Variants in CYP11A1 observed in about 807,000 individuals in gnomAD.
CYP11A1 encodes the protein cytochrome P450 family 11 subfamily A member 1.
A neutral mutation model predicts 51.9 loss-of-function variants in CYP11A1; 25 were observed. That is an observed-to-expected ratio of 0.48 (90% CI 0.35 to 0.67). The LOEUF (loss-of-function observed/expected upper bound fraction) is 0.67. Ranked by LOEUF, CYP11A1 falls within the 30% of genes least tolerant of loss-of-function variation. The probability of loss-of-function intolerance (pLI) is 0.00; values close to 1 mark genes in which losing one functional copy is unlikely to be tolerated. For missense variants in CYP11A1, 578 were observed against 680.9 expected (o/e 0.85, Z 1.68); for synonymous variants, 245 against 262.1 (o/e 0.93, Z 0.63).
intron 2 of CYP11A1, among the ~76,000 whole-genome samples, chr15:74,346,370 A>AG (rs1555425864): frequency 1.2e-4 from 16 of 135,658 alleles, no homozygotes; most frequent in South Asian, 6.8e-4. Context: ...AAAAAAAAAA[A>AG]AAAGAAAGAA....
intron 2 of CYP11A1, among the ~76,000 whole-genome samples, chr15:74,346,948 G>A (rs1458317009): frequency 6.6e-6 from 1 of 152,028 alleles, no homozygotes; most frequent in Non-Finnish European, 1.5e-5. Flanking sequence ...ACACAGGCAT[G>A]TGCCACCACA....
chr15:74,357,785 C>T (rs921213368), intron 1 of CYP11A1, among the ~76,000 whole-genome samples: 7 of 152,206 alleles, frequency 4.6e-5, no homozygotes, highest in Non-Finnish European at 1.0e-4. Flanking sequence ...TGTCTGTGTA[C>T]GGCAGCTGTC....
At chr15:74,339,342 G>A (rs746607026) in intron 6 of CYP11A1, 27 bp from the exon 7 acceptor site, 1 of 1,606,552 alleles carries the variant, frequency 6.2e-7, no homozygotes, top group South Asian at 1.1e-5. Flanking sequence ...CTCAGAAGCT[G>A]ATGGCCCCAA....
intron 7 of CYP11A1, 66 bp from the exon 8 acceptor site, chr15:74,338,834 C>A: frequency 6.9e-7 from 1 of 1,439,718 alleles, no homozygotes; most frequent in South Asian, 1.2e-5. Context: ...ACAAAACCCC[C>A]TTCCCTAGTC....
intron 1 of CYP11A1, among the ~76,000 whole-genome samples, chr15:74,357,734 T>C (rs944421010): frequency 2.6e-5 from 4 of 152,222 alleles, no homozygotes; most frequent in African/African-American, 9.6e-5. Context: ...GCAGCCTTTC[T>C]ATCCAAACAA....
chr15:74,338,202 TGA>T (rs2060588269), intron 8 of CYP11A1, 99 bp from the exon 9 acceptor site: 2 of 1,460,776 alleles, frequency 1.4e-6, no homozygotes, highest in African/African-American at 2.8e-5. Flanking sequence ...GAGTGTGATT[TGA>T]GGAGTTCCAA....
chr15:74,338,532 G>A, intron 8 of CYP11A1, 39 bp downstream of exon 8: 3 of 1,605,272 alleles, frequency 1.9e-6, no homozygotes, highest in Non-Finnish European at 2.6e-6. Context: ...TAGGGCCAGG[G>A]CCAGCCCAGG....
rs947952360 is a variant in CYP11A1, at chr15:74,367,490, C to A, written c.96G>T (p.Val32=). ...AGATGCCAGCTCCCTCGCCAGTGGG[C>A]ACCCTGAGACGCCCCAGCCCCTCCC... is the stretch of plus-strand genomic sequence containing the variant. The part of the protein sequence containing the change: ...APREGLGRLR[V]PTGEGAGIST... The change falls in exon 1 of 9, where the codon GTG becomes GTT. Residue 32 remains valine (V), a synonymous_variant. Transcript: ENST00000268053. 1 of 1,614,066 alleles carries A rather than the reference C, an allele frequency of 6.2e-7. No homozygotes were observed. The highest frequency in any genetic ancestry group is 1.3e-5 in the African/African-American group (1 of 74,932).
chr15:74,345,320 T>A lies in CYP11A1; in HGVS notation c.426-77A>T. 1.3e-6 allele frequency: 2 copies of A among 1,535,558 alleles called. No individual in the cohort carries two copies. Among genetic ancestry groups the A allele is most frequent in the Non-Finnish European group, 1.8e-6 (2 of 1,116,258 alleles). ...TGAACACAGAGGGGGCTGACTCAGT[T>A]TTCCCAGGAAGCTGAGTCACAGCTC... On this transcript the variant is annotated intron_variant, in intron 2 of 8. Coordinates refer to ENST00000268053, the MANE Select transcript of CYP11A1 (RefSeq NM_000781.3). This position sits in a 1 kb window ranked among gnomAD's most constrained non-coding sequence, Gnocchi z 4.3.
At position 74,339,687 on chromosome 15, in the gene CYP11A1, G is replaced by A. The variant is rs72547508; in HGVS notation, c.1057C>T (p.Arg353Trp). Reference sequence around the variant, plus strand: ...TGCCGCGCAGCCAAGACCTCTGCCCGCAGCATATCCTGCACCTTCAGGTTG... The same window carrying A: ...TGCCGCGCAGCCAAGACCTCTGCCCACAGCATATCCTGCACCTTCAGGTTG... ...ARNLKVQDML[R>W]AEVLAARHQA... Residue 353 changes from arginine (R) to tryptophan (W), a missense_variant, in exon 6 of 9, where the codon CGG becomes TGG. By Grantham distance (101) the Arg-to-Trp change is moderately radical. Coordinates refer to ENST00000268053, the MANE Select transcript of CYP11A1 (RefSeq NM_000781.3). 10 of 1,613,950 alleles carry A rather than the reference G, an allele frequency of 6.2e-6. No individual in the cohort carries two copies. The highest frequency in any genetic ancestry group is 2.2e-5 in the East Asian group (1 of 44,884).
rs1325719298 is a variant in CYP11A1, at chr15:74,343,817, C to T, written c.801G>A (p.Val267=). The part of the protein sequence containing the change: ...LFRTKTWKDH[V]AAWDVIFSKA... Reference sequence around the variant, plus strand: ...TACTGAAAATCACGTCCCATGCAGCCACATGGTCCTTCCAGGTCTTGGTCC... The same window carrying T: ...TACTGAAAATCACGTCCCATGCAGCTACATGGTCCTTCCAGGTCTTGGTCC... The change falls in exon 4 of 9, where the codon GTG becomes GTA. Residue 267 remains valine (V), a synonymous_variant. Transcript: ENST00000268053. 1.2e-6 allele frequency: 2 copies of T among 1,612,962 alleles called. No individual in the cohort carries two copies. Among genetic ancestry groups the T allele is most frequent in the African/African-American group, 2.7e-5 (2 of 74,892 alleles).
intron 7 of CYP11A1, 146 bp from the exon 8 acceptor site, chr15:74,338,914 C>G (rs1269717063): frequency 5.0e-6 from 4 of 794,890 alleles, no homozygotes; most frequent in Non-Finnish European, 8.4e-6. Flanking sequence ...GACATTCTGC[C>G]CACTGTGCAG....
chr15:74,358,836 A>G (rs556037175), intron 1 of CYP11A1, among the ~76,000 whole-genome samples: 1 of 152,318 alleles, frequency 6.6e-6, no homozygotes, highest in South Asian at 2.1e-4. Flanking sequence ...GGCTCTTGGT[A>G]TTCAGTGAAA....
intron 1 of CYP11A1, among the ~76,000 whole-genome samples, chr15:74,355,998 C>T (rs981491996): frequency 3.9e-5 from 6 of 152,206 alleles, no homozygotes; most frequent in East Asian, 1.9e-4. Flanking sequence ...CCTCAAACCT[C>T]GCAATGGGAA....
chr15:74,356,104 A>T (rs1310752362), intron 1 of CYP11A1, among the ~76,000 whole-genome samples: 2 of 152,236 alleles, frequency 1.3e-5, no homozygotes, highest in African/African-American at 4.8e-5. Flanking sequence ...CTGCTGTGAG[A>T]CAAAACCCAG....
At chr15:74,364,032 A>G (rs1237525158) in intron 1 of CYP11A1, 1 of 152,244 alleles carries the variant, frequency 6.6e-6, no homozygotes, top group Non-Finnish European at 1.5e-5. Context: ...TCACTACAAC[A>G]AACATTTCTG....
chr15:74,348,076 G>A, intron 1 of CYP11A1, 21 bp from the exon 2 acceptor site: 2 of 1,613,426 alleles, frequency 1.2e-6, no homozygotes, highest in Non-Finnish European at 1.7e-6. Context: ...GGGGGAGAGG[G>A]GCTGATGGAA....
rs746351603 is a variant in CYP11A1 at position 74,345,059 on chromosome 15, G to A, written c.610C>T (p.Arg204Cys). The A allele has an allele frequency of 2.4e-5, 39 of 1,613,880 alleles. No individual in the cohort carries two copies. The highest frequency in any genetic ancestry group is 1.6e-4 in the Middle Eastern group (1 of 6,082). The change falls in exon 3 of 9, where the codon CGC (arginine) becomes TGC (cysteine). Residue 204 changes from arginine to cysteine, a missense_variant. Coordinates refer to ENST00000268053, the MANE Select transcript of CYP11A1 (RefSeq NM_000781.3). This position sits in a 1 kb window ranked among gnomAD's most constrained non-coding sequence, Gnocchi z 4.3. ...YSGDISDDLF[R>C]FAFESITNVI... is the part of the protein sequence containing the mutation. ...GCCCCCTTACACTCAAAGGCAAAGC[G>A]GAACAGGTCATCACTGATGTCCCCC...
Position 74,338,625 on chromosome 15 carries a change from C to G in CYP11A1, c.1380G>C (p.Arg460=). The G allele has an allele frequency of 6.2e-7, 1 of 1,614,162 alleles. No homozygotes were observed. Among genetic ancestry groups the G allele is most frequent in the Non-Finnish European group, 8.5e-7 (1 of 1,180,012 alleles). ...FRNLGFGWGV[R]QCLGRRIAEL... ...CAGCGATCCGCCGTCCCAGACACTG[C>G]CGCACACCCCAGCCAAAGCCCAAGT... The change falls in exon 8 of 9, where the codon CGG becomes CGC. Residue 460 remains arginine, a synonymous_variant. Transcript: ENST00000268053.
Sources: allele counts gnomAD v4.1 joint callset (sites outside exome capture counted in the v4.1 genomes callset), GRCh38; gene constraint gnomAD v4.1.1; non-coding constraint Gnocchi (gnomAD v3.1); transcripts MANE v1.5; gene names NCBI Gene and HGNC (gene_info 2026-07-23, HGNC 2026-07-21).